Variants in PCDHA6 observed in about 807,000 individuals in gnomAD.
PCDHA6 encodes protocadherin alpha-6.
A neutral mutation model predicts 60.3 loss-of-function variants in PCDHA6; 55 were observed. The observed-to-expected ratio is 0.91, with a 90% confidence interval of 0.73 to 1.14. The LOEUF (loss-of-function observed/expected upper bound fraction) is 1.14. Ranked by LOEUF, PCDHA6 falls within the 50% of genes most tolerant of loss-of-function variation. The pLI is 0.00. For synonymous variants in PCDHA6, 652 were observed against 557.9 expected, an observed-to-expected ratio of 1.17 and a Z score of -2.38; for missense variants, 1,327 against 1,256.5, an observed-to-expected ratio of 1.06 and a Z score of -0.85.
chr5:140,966,409 G>C (rs1234170283), intron 1 of PCDHA6: 1 of 419,144 alleles, frequency 2.4e-6, no homozygotes, highest in African/African-American at 2.1e-5. Context: ...CGCGGAATCA[G>C]AGCAGGACTT....
chr5:140,902,657 T>G (rs1331790009), intron 1 of PCDHA6, among the ~76,000 whole-genome samples: 2 of 152,160 alleles, frequency 1.3e-5, no homozygotes, highest in Non-Finnish European at 2.9e-5. Context: ...GGTGCACCTG[T>G]CACCCAAGCA....
At chr5:140,838,065 T>TTATA (rs144773480) in intron 1 of PCDHA6, among the ~76,000 whole-genome samples, 2 of 113,460 alleles carry the variant, frequency 1.8e-5, no homozygotes, top group Admixed American at 1.8e-4. Context: ...CCACTTTAAG[T>TTATA]TATATATATA....
At chr5:140,946,059 G>T (rs979423479) in intron 1 of PCDHA6, among the ~76,000 whole-genome samples, 4 of 152,038 alleles carry the variant, frequency 2.6e-5, no homozygotes, top group Non-Finnish European at 4.4e-5. Flanking sequence ...CAGAATGGGA[G>T]AAAATATTTG....
intron 1 of PCDHA6, among the ~76,000 whole-genome samples, chr5:140,908,078 A>T (rs1047293736): frequency 6.6e-6 from 1 of 152,202 alleles, no homozygotes; most frequent in Non-Finnish European, 1.5e-5. Context: ...AAAGTGCACA[A>T]CCAGGTGCAC....
At chr5:140,837,754 G>A (rs2150279444) in intron 1 of PCDHA6, among the ~76,000 whole-genome samples, 1 of 151,678 alleles carries the variant, frequency 6.6e-6, no homozygotes, top group Middle Eastern at 3.4e-3. Context: ...ATAGCCCACT[G>A]CAACCTGAAA....
In PCDHA6 at chr5:140,850,694, G is replaced by A. The variant is rs2150494629; in HGVS notation, c.2394+20209G>A. ...CGATGCCCACCGAGGGCGAGTGCGC[G>A]CCTGGCAAGCCGACGCTGGTGTGTT... On this transcript the variant is annotated intron_variant, in intron 1 of 3. Coordinates refer to ENST00000529310, the MANE Select transcript of PCDHA6 (RefSeq NM_018909.4). 483 of 1,598,228 alleles carry A rather than the reference G, an allele frequency of 3.0e-4. 44 individuals are homozygous for A. Among genetic ancestry groups the A allele is most frequent in the Non-Finnish European group, 3.8e-4 (449 of 1,167,808 alleles).
In PCDHA6 at chr5:140,927,920, T is replaced by C. The variant is rs782193396; in HGVS notation, c.2395-51029T>C. Reference sequence around the variant, plus strand: ...GATCATGCCCCCGAACTGGACTTCCTGACTCTTTCGAACCCAGTACCTGAG... The same window carrying C: ...GATCATGCCCCCGAACTGGACTTCCCGACTCTTTCGAACCCAGTACCTGAG... On this transcript the variant is annotated intron_variant, in intron 1 of 3. Transcript: ENST00000529310. 6.2e-6 allele frequency: 10 copies of C among 1,614,120 alleles called. No individual in the cohort carries two copies. In the South Asian group the frequency reaches 1.1e-4, roughly 18 times the overall value.
rs2150264019 is a variant in PCDHA6 at position 140,836,559 on chromosome 5, C to T, written c.2394+6074C>T. ...GTACACGGCGTTGCGGTGCTCAGCG[C>T]CGTCCTCTGAGGGCGCATGTAGTTT... On this transcript the variant is annotated intron_variant, in intron 1 of 3. Coordinates refer to ENST00000529310, the MANE Select transcript of PCDHA6 (RefSeq NM_018909.4). The T allele has an allele frequency of 2.8e-5, 45 of 1,613,622 alleles. No individual in the cohort carries two copies. Among genetic ancestry groups the T allele is most frequent in the Non-Finnish European group, 3.6e-5 (43 of 1,179,846 alleles).
chr5:140,963,395 C>T (rs544819387), intron 1 of PCDHA6, among the ~76,000 whole-genome samples: 4 of 152,322 alleles, frequency 2.6e-5, no homozygotes, highest in African/African-American at 7.2e-5. Flanking sequence ...AAGCTCCCTA[C>T]TGGATGCTGT....
chr5:140,892,261 G>A (rs1221882386), intron 1 of PCDHA6, among the ~76,000 whole-genome samples: 1 of 152,020 alleles, frequency 6.6e-6, no homozygotes, highest in Admixed American at 6.6e-5. Context: ...CTTTGATTTT[G>A]TGCTGAAAGT....
At chr5:140,919,110 C>T (rs1274257448) in intron 1 of PCDHA6, among the ~76,000 whole-genome samples, 3 of 152,118 alleles carry the variant, frequency 2.0e-5, no homozygotes, top group Non-Finnish European at 2.9e-5. Flanking sequence ...TTCATTTCTG[C>T]CAGTTTTTGC....
chr5:140,840,409 T>C (rs1242037387), intron 1 of PCDHA6, among the ~76,000 whole-genome samples: 1 of 151,904 alleles, frequency 6.6e-6, no homozygotes, highest in East Asian at 1.9e-4. Context: ...TAAGAATACT[T>C]CAAATAATAG....
rs1033698977 is a variant in PCDHA6 at position 140,868,958 on chromosome 5, T to A, written c.2394+38473T>A. ...TGGTCTGAACAGTGAGGCACTCCCA[T>A]ACAAAGGAACTCCATCATACCGGAT... On this transcript the variant is annotated intron_variant, in intron 1 of 3. Coordinates refer to ENST00000529310, the MANE Select transcript of PCDHA6 (RefSeq NM_018909.4). The A allele has an allele frequency of 4.3e-6, 6 of 1,397,388 alleles. No individual in the cohort carries two copies. The African/African-American group carries it at 8.6e-5, about 20-fold the overall frequency. The allele number at this position is 1,397,388 out of a possible 1,614,324, so 86.6% of individuals were successfully genotyped here.
intron 3 of PCDHA6, among the ~76,000 whole-genome samples, chr5:140,999,125 G>C (rs1554256627): frequency 6.6e-6 from 1 of 152,152 alleles, no homozygotes; most frequent in South Asian, 2.1e-4. Context: ...TTCTAAGCTG[G>C]AAAATGTCAC....
At chr5:140,876,819 C>T in intron 1 of PCDHA6, 1 of 1,614,180 alleles carries the variant, frequency 6.2e-7, no homozygotes, top group Admixed American at 1.7e-5. Flanking sequence ...CCGACGTGAA[C>T]GACAATGCGC....
chr5:140,880,168 T>A (rs1287992545), intron 1 of PCDHA6, among the ~76,000 whole-genome samples: 1 of 152,084 alleles, frequency 6.6e-6, no homozygotes, highest in East Asian at 1.9e-4. Flanking sequence ...ATGTTAGAAG[T>A]TAAACATGAA....
At chr5:140,872,997 A>G (rs1391702817) in intron 1 of PCDHA6, among the ~76,000 whole-genome samples, 2 of 152,104 alleles carry the variant, frequency 1.3e-5, no homozygotes, top group East Asian at 3.9e-4. Flanking sequence ...TTTACTTCTG[A>G]GTCATTCTTC....
At chr5:140,914,997 G>A (rs548148626) in intron 1 of PCDHA6, among the ~76,000 whole-genome samples, 43 of 148,264 alleles carry the variant, frequency 2.9e-4, no homozygotes, top group African/African-American at 1.0e-3. Flanking sequence ...CCAGGCTGGA[G>A]TGCAGTGGCC....
intron 1 of PCDHA6, chr5:140,870,532 T>A: frequency 1.2e-6 from 2 of 1,614,184 alleles, no homozygotes; most frequent in Non-Finnish European, 1.7e-6. Flanking sequence ...CTTCACAGTG[T>A]CGGCGCGGGA....
Sources: gnomAD v4.1 joint callset for allele counts (sites outside exome capture counted in the v4.1 genomes callset) on GRCh38, gnomAD v4.1.1 for gene constraint, MANE v1.5 for transcripts, NCBI Gene and HGNC (gene_info 2026-07-23, HGNC 2026-07-21) for gene names.